NTNG1: variants seen among roughly 807,000 people sequenced by gnomAD.
The protein encoded by NTNG1 is netrin-G1.
In NTNG1, 16 loss-of-function variants were observed where a neutral mutation model predicts 54.0. The observed-to-expected ratio is 0.30, with a 90% confidence interval of 0.20 to 0.45. The LOEUF is 0.45. Among genes scored for constraint, NTNG1 ranks in the 20% least tolerant of loss-of-function variants. The probability of loss-of-function intolerance (pLI) is 1.00; values close to 1 mark genes in which losing one functional copy is unlikely to be tolerated. For missense variants in NTNG1, 530 were observed against 678.7 expected, an observed-to-expected ratio of 0.78 and a Z score of 2.43; for synonymous variants, 255 against 263.1, an observed-to-expected ratio of 0.97 and a Z score of 0.30.
chr1:107,169,148 G>T (rs1386488019), intron 2 of NTNG1, among the ~76,000 whole-genome samples: 1 of 152,114 alleles, frequency 6.6e-6, no homozygotes, highest in Non-Finnish European at 1.5e-5. Context: ...TTCTGATAAT[G>T]AAATCCTTTG....
intron 7 of NTNG1, among the ~76,000 whole-genome samples, chr1:107,464,733 T>C (rs1015554039): frequency 6.6e-6 from 1 of 152,122 alleles, no homozygotes; most frequent in Non-Finnish European, 1.5e-5. Flanking sequence ...GGGAGTGCAA[T>C]AGGTGGAGAA....
chr1:107,290,178 A>G (rs910533899), intron 2 of NTNG1, among the ~76,000 whole-genome samples: 1 of 152,186 alleles, frequency 6.6e-6, no homozygotes, highest in Non-Finnish European at 1.5e-5. Flanking sequence ...CTGGTTGACT[A>G]AGCTATTTGT....
At chr1:107,452,590 A>T (rs367945979) in intron 7 of NTNG1, among the ~76,000 whole-genome samples, 1 of 152,098 alleles carries the variant, frequency 6.6e-6, no homozygotes, top group East Asian at 1.9e-4. Context: ...GTAGTGAGTG[A>T]GTCCTCCTTC....
In NTNG1 at chr1:107,271,358, G is replaced by A. The variant is rs144061963; in HGVS notation, c.247-52924G>A. Among the ~76,000 whole-genome samples the A allele has an allele frequency of 1.9e-4, 29 of 152,252 alleles. No individual in the cohort carries two copies. The East Asian group carries it at 5.6e-3, about 29-fold the overall frequency. ...ATCACACAAACCAGTTAGAAATCAA[G>A]TCTAACCTAAGCAAATTTAACCTCT... On this transcript the variant is annotated intron_variant, in intron 2 of 7. Coordinates refer to ENST00000370068, the MANE Select transcript of NTNG1 (RefSeq NM_001113226.3).
intron 2 of NTNG1, among the ~76,000 whole-genome samples, chr1:107,300,217 G>T (rs4132604): frequency 0.35 from 52,509 of 152,054 alleles, 9,285 homozygotes; most frequent in East Asian, 0.49. Context: ...TTGCACACTG[G>T]CAGCTTGCAG....
intron 2 of NTNG1, among the ~76,000 whole-genome samples, chr1:107,318,020 G>A (rs1160666504): frequency 6.6e-6 from 1 of 152,166 alleles, no homozygotes; most frequent in Non-Finnish European, 1.5e-5. Context: ...AACAGTTTCA[G>A]ACTATCTAAT....
intron 2 of NTNG1, among the ~76,000 whole-genome samples, chr1:107,199,731 G>T (rs183341351): frequency 6.6e-6 from 1 of 151,948 alleles, no homozygotes; most frequent in East Asian, 1.9e-4. Flanking sequence ...CTCTCGCGTA[G>T]ATACTTCAAA....
intron 7 of NTNG1, among the ~76,000 whole-genome samples, chr1:107,450,469 A>G (rs1570987121): frequency 6.6e-6 from 1 of 152,118 alleles, no homozygotes; most frequent in East Asian, 1.9e-4. Flanking sequence ...GATGGTACCC[A>G]TCCTCAGAGT....
intron 2 of NTNG1, among the ~76,000 whole-genome samples, chr1:107,154,661 C>A (rs1447441203): frequency 6.9e-6 from 1 of 144,370 alleles, no homozygotes; most frequent in Admixed American, 7.0e-5. Context: ...GTTTTAATGA[C>A]TGCCTGGTGT....
intron 7 of NTNG1, among the ~76,000 whole-genome samples, chr1:107,454,440 A>T (rs1469895078): frequency 6.6e-6 from 1 of 152,186 alleles, no homozygotes; most frequent in Non-Finnish European, 1.5e-5. Flanking sequence ...GCTGAGACAT[A>T]GTCCCTACCC....
At chr1:107,426,966 A>G (rs1050186690) in intron 5 of NTNG1, among the ~76,000 whole-genome samples, 2 of 151,814 alleles carry the variant, frequency 1.3e-5, no homozygotes, top group African/African-American at 4.8e-5. Context: ...TTGAGTTCTT[A>G]ATTTGGTTTG....
intron 2 of NTNG1, among the ~76,000 whole-genome samples, chr1:107,193,337 C>T (rs1257544338): frequency 6.6e-6 from 1 of 151,968 alleles, no homozygotes; most frequent in African/African-American, 2.4e-5. Flanking sequence ...TTGTGTTCTC[C>T]AAGCCTGGAT....
chr1:107,237,357 G>A (rs568226439), intron 2 of NTNG1, among the ~76,000 whole-genome samples: 18 of 152,158 alleles, frequency 1.2e-4, no homozygotes, highest in East Asian at 3.9e-4. Flanking sequence ...AAAGGCATTC[G>A]TTTTTATAAA....
intron 3 of NTNG1, among the ~76,000 whole-genome samples, chr1:107,364,087 T>C (rs769671648): frequency 1.3e-5 from 2 of 152,202 alleles, no homozygotes; most frequent in African/African-American, 2.4e-5. Context: ...ACTTATTTTA[T>C]TGAAAATATG....
intron 3 of NTNG1, among the ~76,000 whole-genome samples, chr1:107,336,553 C>T (rs1045108866): frequency 1.3e-5 from 2 of 151,898 alleles, no homozygotes; most frequent in African/African-American, 4.8e-5. Flanking sequence ...AACTTCATGA[C>T]ATTAAATCTG....
At chr1:107,357,357 G>T (rs78237888) in intron 3 of NTNG1, among the ~76,000 whole-genome samples, 13,526 of 151,908 alleles carry the variant, frequency 0.089, 707 homozygotes, top group Admixed American at 0.14. Flanking sequence ...CATGAGAAAG[G>T]GAAGAAAAGC....
intron 3 of NTNG1, among the ~76,000 whole-genome samples, chr1:107,381,753 G>A (rs1347233302): frequency 6.6e-6 from 1 of 152,162 alleles, no homozygotes; most frequent in Non-Finnish European, 1.5e-5. Flanking sequence ...AGGAATCCAG[G>A]ACACAGCTAG....
intron 3 of NTNG1, among the ~76,000 whole-genome samples, chr1:107,336,889 A>G (rs147387926): frequency 1.3e-3 from 191 of 152,146 alleles, no homozygotes; most frequent in African/African-American, 4.3e-3. Flanking sequence ...ATCATTAGTC[A>G]TTAGGGACAT....
intron 2 of NTNG1, among the ~76,000 whole-genome samples, chr1:107,225,670 A>G (rs764076997): frequency 6.6e-6 from 1 of 152,178 alleles, no homozygotes; most frequent in South Asian, 2.1e-4. Context: ...CATGTTAGTT[A>G]TATTTTTCTA....
Sources: allele counts gnomAD v4.1 joint callset (sites outside exome capture counted in the v4.1 genomes callset), GRCh38; gene constraint gnomAD v4.1.1; transcripts MANE v1.5; gene names NCBI Gene and HGNC (gene_info 2026-07-23, HGNC 2026-07-21).